CAMTA1: variants seen among roughly 807,000 people sequenced by gnomAD.
The protein encoded by CAMTA1 is calmodulin binding transcription activator 1.
In CAMTA1, 27 loss-of-function variants were observed where a neutral mutation model predicts 170.9. The observed-to-expected ratio is 0.16, with a 90% CI of 0.12 to 0.22. The LOEUF is 0.22. Ranked by LOEUF, CAMTA1 falls within the 10% of genes least tolerant of loss-of-function variation. The pLI, the probability that CAMTA1 is intolerant of heterozygous loss-of-function variation, is 1.00. For synonymous variants in CAMTA1, 833 were observed against 891.5 expected, an observed-to-expected ratio of 0.93 and a Z score of 1.17; for missense variants, 1,619 against 2,217.2, an observed-to-expected ratio of 0.73 and a Z score of 5.42.
In CAMTA1 at chr1:7,709,286, A is replaced by G. The variant is rs181376370; in HGVS notation, c.2915-23162A>G. On this transcript the variant is annotated intron_variant, in intron 11 of 22. Transcript: ENST00000303635. Reference sequence around the variant, plus strand: ...CCATCTGGGACTTGAAGTTTCATGAATACTGTTAGTTGGCAAAGAAGTTAT... The same window carrying G: ...CCATCTGGGACTTGAAGTTTCATGAGTACTGTTAGTTGGCAAAGAAGTTAT... Among the ~76,000 whole-genome samples the G allele has an allele frequency of 1.5e-3, 234 of 152,318 alleles. 1 individual carries two copies. The highest frequency in any genetic ancestry group is 5.6e-3 in the African/African-American group (231 of 41,558).
chr1:7,418,715 C>T (rs2091359391), intron 5 of CAMTA1, among the ~76,000 whole-genome samples: 1 of 152,212 alleles, frequency 6.6e-6, no homozygotes, highest in Non-Finnish European at 1.5e-5. Flanking sequence ...TCCTGAGTCC[C>T]ACTTCACTGC....
At position 7,138,142 on chromosome 1, in the gene CAMTA1, C is replaced by T. The variant is rs141213826; in HGVS notation, c.302+46771C>T. ...CTGGGACCACTGGTGCGCACCACCA[C>T]GCCCAGCTAATTTTTAAAATTTTTT... On this transcript the variant is annotated intron_variant, in intron 4 of 22. Transcript: ENST00000303635. Among the ~76,000 whole-genome samples the T allele has an allele frequency of 6.7e-3, 1,020 of 152,154 alleles. 8 individuals are homozygous for T. The highest frequency in any genetic ancestry group is 0.01 in the Non-Finnish European group (689 of 68,016).
chr1:7,310,657 TTC>T (rs1676430149), intron 5 of CAMTA1, among the ~76,000 whole-genome samples: 4 of 62,170 alleles, frequency 6.4e-5, no homozygotes, highest in South Asian at 4.9e-4. Flanking sequence ...TTTTCTTTCT[TTC>T]TTTCTTTCTT....
chr1:7,059,650 T>G (rs1244811239), intron 3 of CAMTA1, among the ~76,000 whole-genome samples: 2 of 152,056 alleles, frequency 1.3e-5, no homozygotes, highest in African/African-American at 4.8e-5. Flanking sequence ...AACAAAAGCT[T>G]ATGATATGAT....
At chr1:7,031,687 G>C (rs541761658) in intron 3 of CAMTA1, among the ~76,000 whole-genome samples, 1 of 151,892 alleles carries the variant, frequency 6.6e-6, no homozygotes, top group Non-Finnish European at 1.5e-5. Flanking sequence ...CTACAGGCGC[G>C]TGCCACCATG....
Position 7,642,322 on chromosome 1 carries a change from C to G in CAMTA1, c.664+1769C>G, listed in dbSNP as rs574166049. Reference sequence around the variant, plus strand: ...GTGTGCACAAGGCCCTGGAAATAGCCCTGGAATGGTGGGGGGGAAGGGACC... The same window carrying G: ...GTGTGCACAAGGCCCTGGAAATAGCGCTGGAATGGTGGGGGGGAAGGGACC... On this transcript the variant is annotated intron_variant, in intron 7 of 22. Transcript: ENST00000303635. This position sits in a 1 kb window ranked among gnomAD's most constrained non-coding sequence, Gnocchi z 6.3. Among the ~76,000 whole-genome samples the G allele has an allele frequency of 6.6e-6, 1 of 152,180 alleles. No individual in the cohort carries two copies. The highest frequency in any genetic ancestry group is 2.1e-4 in the South Asian group (1 of 4,828).
chr1:7,518,540 C>T (rs1450298366), intron 6 of CAMTA1, among the ~76,000 whole-genome samples: 2 of 151,962 alleles, frequency 1.3e-5, no homozygotes, highest in African/African-American at 2.4e-5. Flanking sequence ...TGAAGACAGC[C>T]GATGAACAGA....
intron 3 of CAMTA1, among the ~76,000 whole-genome samples, chr1:7,062,686 T>C (rs1708405399): frequency 6.6e-6 from 1 of 152,086 alleles, no homozygotes. Flanking sequence ...AGCCATGAAG[T>C]CCCATAAATT....
chr1:6,895,169 G>A (rs1382639756), intron 3 of CAMTA1, among the ~76,000 whole-genome samples: 1 of 152,210 alleles, frequency 6.6e-6, no homozygotes, highest in African/African-American at 2.4e-5. Flanking sequence ...GTTAAAAGGT[G>A]TCAGGTGAGG....
chr1:7,200,949 G>T (rs979230173), intron 4 of CAMTA1, among the ~76,000 whole-genome samples: 2 of 152,140 alleles, frequency 1.3e-5, no homozygotes, highest in Non-Finnish European at 2.9e-5. Flanking sequence ...CAATTCAAAG[G>T]TTTTTAGTAT....
chr1:7,112,573 G>A (rs369110709), intron 4 of CAMTA1, among the ~76,000 whole-genome samples: 1 of 152,308 alleles, frequency 6.6e-6, no homozygotes, highest in East Asian at 1.9e-4. Flanking sequence ...TCCCCACTCT[G>A]ACAGACACCC....
At chr1:7,374,271 G>C (rs1178134465) in intron 5 of CAMTA1, among the ~76,000 whole-genome samples, 2 of 152,250 alleles carry the variant, frequency 1.3e-5, no homozygotes, top group African/African-American at 4.8e-5. Context: ...GCAAAGTTGT[G>C]AGCATGTATG....
chr1:7,074,917 T>C (rs1222779652), intron 3 of CAMTA1, among the ~76,000 whole-genome samples: 1 of 152,188 alleles, frequency 6.6e-6, no homozygotes, highest in Non-Finnish European at 1.5e-5. Flanking sequence ...ATGTGAGGGC[T>C]CTGGTGAGCT....
At chr1:7,735,444 CAAA>C (rs1028269439) in intron 12 of CAMTA1, among the ~76,000 whole-genome samples, 5 of 58,130 alleles carry the variant, frequency 8.6e-5, no homozygotes, top group Non-Finnish European at 7.2e-5. Context: ...GACTCTGTCT[CAAA>C]AAAAAAAAAA....
At chr1:7,406,916 C>T (rs1276556392) in intron 5 of CAMTA1, among the ~76,000 whole-genome samples, 23 of 152,170 alleles carry the variant, frequency 1.5e-4, no homozygotes, top group Admixed American at 1.3e-3. Flanking sequence ...TCCTAAGACA[C>T]GCACATCCAA....
At chr1:7,141,333 CT>C (rs1422936281) in intron 4 of CAMTA1, among the ~76,000 whole-genome samples, 2 of 152,242 alleles carry the variant, frequency 1.3e-5, no homozygotes, top group Non-Finnish European at 2.9e-5. Context: ...AAACACCTTT[CT>C]TACTATAGCT....
chr1:7,289,146 A>G (rs570392697), intron 5 of CAMTA1, among the ~76,000 whole-genome samples: 2 of 152,296 alleles, frequency 1.3e-5, no homozygotes, highest in South Asian at 4.1e-4. Context: ...TCATGAGAAC[A>G]GCACCGAGGA....
At chr1:6,986,144 C>CTG (rs1431962201) in intron 3 of CAMTA1, among the ~76,000 whole-genome samples, 1 of 152,124 alleles carries the variant, frequency 6.6e-6, no homozygotes. Flanking sequence ...GACGGAGGGT[C>CTG]TGGGGGAATG....
At chr1:7,714,123 A>G (rs115945840) in intron 11 of CAMTA1, among the ~76,000 whole-genome samples, 85 of 152,334 alleles carry the variant, frequency 5.6e-4, no homozygotes, top group South Asian at 3.5e-3. Flanking sequence ...GGTACATTCA[A>G]TTCTGAAAAC....
Sources: allele counts gnomAD v4.1 joint callset (sites outside exome capture counted in the v4.1 genomes callset), GRCh38; gene constraint gnomAD v4.1.1; non-coding constraint Gnocchi (gnomAD v3.1); transcripts MANE v1.5; gene names NCBI Gene and HGNC (gene_info 2026-07-23, HGNC 2026-07-21).